Variants in NUTM2D observed in about 807,000 individuals in gnomAD.
NUTM2D encodes the protein NUT family member 2D.
Under a neutral mutation model 43.5 loss-of-function variants are expected in NUTM2D, and 2 were observed. That is an observed-to-expected ratio of 0.05 (90% confidence interval 0.02 to 0.14). The LOEUF (loss-of-function observed/expected upper bound fraction) is 0.14, where lower values mean the gene tolerates loss of function less well. Among genes scored for constraint, NUTM2D ranks in the 10% least tolerant of loss-of-function variants. NUTM2D has a pLI of 1.00. For synonymous variants in NUTM2D, 24 were observed against 276.6 expected (o/e 0.09, Z 9.06); for missense variants, 48 against 668.7 (o/e 0.07, Z 10.24).
chr10:87,364,967 C>T lies in NUTM2D; in HGVS notation c.1282C>T (p.Pro428Ser). Residue 428 changes from proline (P) to serine (S), a missense_variant, in exon 5 of 7, where the codon CCC becomes TCC. Transcript: ENST00000381697. The stretch of plus-strand genomic sequence containing the variant: ...CAAGGCCCGCCTGCCACCACCCAGG[C>T]CCCAGAGACCAGCAGAGACCAAGGT... ...ETKARLPPPR[P>S]QRPAETKVPE... 1.2e-6 allele frequency: 1 copy of T among 853,236 alleles called. No homozygotes were observed. The highest frequency in any genetic ancestry group is 1.7e-5 in the South Asian group (1 of 57,252). The allele number at this position is 853,236 out of a possible 1,614,324, so 52.9% of individuals were successfully genotyped here. A position where few individuals can be genotyped will look rare whatever the true frequency, so the allele number is the denominator to read the frequency against.
chr10:87,367,342 T>C (rs1850311685), downstream of NUTM2D: 1 of 1,609,088 alleles, frequency 6.2e-7, no homozygotes, highest in African/African-American at 1.3e-5. Flanking sequence ...AGGGAGCCCC[T>C]TCAGATGCTC....
At chr10:87,367,330 G>A (rs772319799), downstream of NUTM2D, 69 of 1,609,482 alleles carry the variant, frequency 4.3e-5, no homozygotes, top group Middle Eastern at 2.0e-4. Flanking sequence ...TCCTCCTGAC[G>A]TAGGGAGCCC....
downstream of NUTM2D, chr10:87,367,300 C>T (rs1163449068): frequency 3.1e-6 from 5 of 1,608,892 alleles, no homozygotes; most frequent in African/African-American, 4.0e-5. Flanking sequence ...TGGGAACCCA[C>T]AGAGGCCGGC....
At chr10:87,365,462 T>C (rs1850286492) in intron 5 of NUTM2D, among the ~76,000 whole-genome samples, 2 of 128,914 alleles carry the variant, frequency 1.6e-5, no homozygotes, top group East Asian at 2.5e-4. Context: ...TCCTGTGTCA[T>C]ATGTGGGTCT....
intron 5 of NUTM2D, among the ~76,000 whole-genome samples, chr10:87,365,415 A>T (rs1850285972): frequency 6.9e-6 from 1 of 145,324 alleles, no homozygotes; most frequent in Non-Finnish European, 1.5e-5. Flanking sequence ...TGTGGGTGTG[A>T]GTGTGGAGTG....
chr10:87,369,427 T>A (rs1850333349), downstream of NUTM2D: 1 of 150,750 alleles, frequency 6.6e-6, no homozygotes, highest in South Asian at 2.1e-4. Context: ...GACAAATACA[T>A]TTCTTTTTTT....
At chr10:87,370,160 A>C (rs1850341525), downstream of NUTM2D, 1 of 152,242 alleles carries the variant, frequency 6.6e-6, no homozygotes, top group South Asian at 2.1e-4. Flanking sequence ...TTGTTGCTGA[A>C]TAATATTCCA....
Position 87,365,210 on chromosome 10 carries a change from T to C in NUTM2D, c.1518+7T>C, listed in dbSNP as rs1564646982. 1.4e-6 allele frequency: 2 copies of C among 1,478,276 alleles called. No homozygotes were observed. Among genetic ancestry groups the C allele is most frequent in the East Asian group, 4.7e-5 (2 of 42,450 alleles). 91.6% of individuals were successfully genotyped at this position (1,478,276 alleles called of 1,614,324 possible). On this transcript the variant is annotated splice_region_variant and intron_variant, in intron 5 of 6. Coordinates refer to ENST00000381697, the MANE Select transcript of NUTM2D (RefSeq NM_001382304.1). ...GAAAGACTTCGTCACCAAGGTGGGC[T>C]GGCCTGGAGTGCTGGGGTCTGCTGG...
chr10:87,359,988 GAAAGGGGTTTACAAGAGCGTC>G (rs1850249478), intron 1 of NUTM2D, among the ~76,000 whole-genome samples: 1 of 149,950 alleles, frequency 6.7e-6, no homozygotes, highest in Non-Finnish European at 1.5e-5. Flanking sequence ...AGCTGGGAAA[GAAAGGGGTTTACAAGAGCGTC>G]AGGAAAAGGA....
chr10:87,358,365 T>A lies in NUTM2D; in HGVS notation c.100T>A (p.Ser34Thr). The A allele has an allele frequency of 6.2e-7, 1 of 1,613,992 alleles. No individual in the cohort carries two copies. The highest frequency in any genetic ancestry group is 8.5e-7 in the Non-Finnish European group (1 of 1,180,004). ...CTCTCTGGGTCTTACCCTTGGCTTTTCTCATTGTGGAAACTGCCAGACAGC... is the reference window on the plus strand; with the variant it reads ...CTCTCTGGGTCTTACCCTTGGCTTTACTCATTGTGGAAACTGCCAGACAGC... ...GHSLGLTLGFSHCGNCQTAVV... is the reference protein window; with the variant it reads ...GHSLGLTLGFTHCGNCQTAVV... Residue 34 changes from serine to threonine, a missense_variant, in exon 1 of 7, where the codon TCT (serine) becomes ACT (threonine). Transcript: ENST00000381697.
chr10:87,365,306 T>C, intron 5 of NUTM2D, 103 bp downstream of exon 5: 1 of 1,574,342 alleles, frequency 6.4e-7, no homozygotes, highest in Non-Finnish European at 8.6e-7. Context: ...AGTGTGTGTA[T>C]TTCCAAGGAT....
chr10:87,365,385 TG>T (rs1850285492), intron 5 of NUTM2D, among the ~76,000 whole-genome samples, 182 bp downstream of exon 5: 1 of 150,430 alleles, frequency 6.6e-6, no homozygotes, highest in Non-Finnish European at 1.5e-5. Context: ...GGTTTGTTAC[TG>T]TGTGTCTTTG....
At position 87,365,376 on chromosome 10, in the gene NUTM2D, G is replaced by C. The variant is rs1850285319; in HGVS notation, c.1518+173G>C. ...GTGTTGCTGTGTGTTTGTGTCTGTG[G>C]TTTGTTACTGTGTGTCTTTGTGTGT... On this transcript the variant is annotated intron_variant, in intron 5 of 6. Coordinates refer to ENST00000381697, the MANE Select transcript of NUTM2D (RefSeq NM_001382304.1). 1.3e-5 allele frequency among the ~76,000 whole-genome samples: 2 copies of C among 150,918 alleles called. 1 individual carries two copies. Among genetic ancestry groups the C allele is most frequent in the Admixed American group, 1.3e-4 (2 of 15,122 alleles).
downstream of NUTM2D, chr10:87,370,239 A>G (rs1238317294): frequency 1.3e-5 from 2 of 152,118 alleles, no homozygotes; most frequent in Non-Finnish European, 2.9e-5. Context: ...CTTTTTGGCT[A>G]TTGTGAATAA....
downstream of NUTM2D, chr10:87,370,672 T>C (rs980066968): frequency 6.6e-6 from 1 of 152,272 alleles, no homozygotes; most frequent in African/African-American, 2.4e-5. Flanking sequence ...TCTTTATATA[T>C]TCCAGATAAA....
At chr10:87,367,266 G>A, downstream of NUTM2D, 1 of 1,563,452 alleles carries the variant, frequency 6.4e-7, no homozygotes. Context: ...AGGGAGGGCA[G>A]AGGAACTGGC....
At chr10:87,369,848 C>CT (rs1330439294), downstream of NUTM2D, 1 of 151,882 alleles carries the variant, frequency 6.6e-6, no homozygotes, top group Non-Finnish European at 1.5e-5. Flanking sequence ...CCAGAGACCC[C>CT]TCCCTTCACC....
At chr10:87,359,928 C>A (rs1206414553) in intron 1 of NUTM2D, among the ~76,000 whole-genome samples, 2 of 152,250 alleles carry the variant, frequency 1.3e-5, no homozygotes, top group African/African-American at 2.4e-5. Context: ...GTTCCTAGGG[C>A]GCTGGCTTGG....
At chr10:87,370,532 T>C (rs1211621564), downstream of NUTM2D, 2 of 152,208 alleles carry the variant, frequency 1.3e-5, no homozygotes, top group African/African-American at 4.8e-5. Flanking sequence ...GTAGTTTGCA[T>C]TTGTGTTTCT....
Sources: allele counts gnomAD v4.1 joint callset (sites outside exome capture counted in the v4.1 genomes callset), GRCh38; gene constraint gnomAD v4.1.1; transcripts MANE v1.5; gene names NCBI Gene and HGNC (gene_info 2026-07-23, HGNC 2026-07-21).